CNTN5: variants seen among roughly 807,000 people sequenced by gnomAD.
The protein encoded by CNTN5 is contactin 5.
In CNTN5, 77 loss-of-function variants were observed where a neutral mutation model predicts 129.1. The ratio of observed to expected loss-of-function variants is 0.60; its 90% confidence interval spans 0.50 to 0.72. The LOEUF is 0.72. CNTN5 is among the 30% of genes least tolerant of loss of function. The probability of loss-of-function intolerance (pLI) is 0.00; values close to 1 mark genes in which losing one functional copy is unlikely to be tolerated. For missense variants in CNTN5, 1,478 were observed against 1,328.8 expected, an observed-to-expected ratio of 1.11 and a Z score of -1.75; for synonymous variants, 509 against 465.6, an observed-to-expected ratio of 1.09 and a Z score of -1.20.
intron 9 of CNTN5, among the ~76,000 whole-genome samples, chr11:100,035,433 G>A (rs1328635176): frequency 8.3e-4 from 121 of 146,428 alleles, no homozygotes; most frequent in Non-Finnish European, 1.4e-3. Flanking sequence ...ATAAACATAC[G>A]TGTGCATGTG....
chr11:99,430,552 A>G (rs887731989), intron 2 of CNTN5, among the ~76,000 whole-genome samples: 1 of 150,786 alleles, frequency 6.6e-6, no homozygotes, highest in African/African-American at 2.4e-5. Context: ...CTTTTAATTA[A>G]GCTGATTTTA....
At chr11:99,560,815 A>G (rs1948818940) in intron 3 of CNTN5, among the ~76,000 whole-genome samples, 1 of 152,138 alleles carries the variant, frequency 6.6e-6, no homozygotes, top group African/African-American at 2.4e-5. Context: ...CAGGTTTCTC[A>G]CTGTTGGTGT....
intron 3 of CNTN5, among the ~76,000 whole-genome samples, chr11:99,654,480 G>A (rs1254776437): frequency 6.6e-6 from 1 of 151,954 alleles, no homozygotes; most frequent in African/African-American, 2.4e-5. Flanking sequence ...TGTGGAACAG[G>A]GGGTAGTATG....
At chr11:99,076,046 C>G (rs919921945) in intron 1 of CNTN5, among the ~76,000 whole-genome samples, 2 of 152,040 alleles carry the variant, frequency 1.3e-5, no homozygotes, top group African/African-American at 2.4e-5. Context: ...AACTACTTTA[C>G]TTTTGGGCCA....
intron 2 of CNTN5, among the ~76,000 whole-genome samples, chr11:99,438,490 T>C (rs1044011309): frequency 1.3e-5 from 2 of 152,140 alleles, no homozygotes; most frequent in Non-Finnish European, 2.9e-5. Flanking sequence ...TCTTTCTGCC[T>C]TCTTTATTTT....
intron 2 of CNTN5, among the ~76,000 whole-genome samples, chr11:99,390,002 G>C (rs1055490442): frequency 1.3e-5 from 2 of 151,952 alleles, no homozygotes; most frequent in Non-Finnish European, 2.9e-5. Flanking sequence ...TCTAAAGCAT[G>C]CTTTAAATAT....
chr11:99,973,092 G>A (rs902664972), intron 8 of CNTN5, among the ~76,000 whole-genome samples: 2 of 151,860 alleles, frequency 1.3e-5, no homozygotes, highest in Non-Finnish European at 2.9e-5. Flanking sequence ...CGTGTTGGAG[G>A]GAATCTCACT....
At chr11:99,158,239 CT>C (rs1860430092) in intron 1 of CNTN5, among the ~76,000 whole-genome samples, 1 of 152,092 alleles carries the variant, frequency 6.6e-6, no homozygotes, top group African/African-American at 2.4e-5. Context: ...CCTGAACTTA[CT>C]GCTTTGTATT....
At chr11:99,667,288 C>A (rs999434094) in intron 3 of CNTN5, among the ~76,000 whole-genome samples, 2 of 113,610 alleles carry the variant, frequency 1.8e-5, no homozygotes, top group African/African-American at 2.9e-5. Context: ...TGTTTTCATT[C>A]TAAAGCAATT....
intron 1 of CNTN5, among the ~76,000 whole-genome samples, chr11:99,321,881 G>A (rs11219372): frequency 0.049 from 7,522 of 152,108 alleles, 597 homozygotes; most frequent in African/African-American, 0.17. Flanking sequence ...CTCTGCCAGC[G>A]TGGCCACATT....
chr11:100,153,876 A>G (rs1947145873), intron 13 of CNTN5, among the ~76,000 whole-genome samples: 1 of 151,644 alleles, frequency 6.6e-6, no homozygotes, highest in Non-Finnish European at 1.5e-5. Flanking sequence ...AGTGCATATA[A>G]GTTTCAAATC....
rs753944925 is a variant in CNTN5 at position 99,065,291 on chromosome 11, C to G, written c.-210+44021C>G. On this transcript the variant is annotated intron_variant, in intron 1 of 24. Transcript: ENST00000524871. ...TGTGCAAATCTGACCATATTAGGAGCATGCTGTTCTCTCCAGGGCTGTGCA... is the reference window on the plus strand; with the variant it reads ...TGTGCAAATCTGACCATATTAGGAGGATGCTGTTCTCTCCAGGGCTGTGCA... Among the ~76,000 whole-genome samples, 5 of 152,222 alleles carry G rather than the reference C, an allele frequency of 3.3e-5. No homozygotes were observed. The South Asian group carries it at 8.3e-4, about 25-fold the overall frequency.
chr11:99,030,192 G>T (rs1475801248), intron 1 of CNTN5, among the ~76,000 whole-genome samples: 1 of 150,984 alleles, frequency 6.6e-6, no homozygotes, highest in Non-Finnish European at 1.5e-5. Context: ...CTAACTCATA[G>T]TTTTTTTTTG....
intron 21 of CNTN5, among the ~76,000 whole-genome samples, chr11:100,311,669 G>T (rs1951477345): frequency 1.3e-5 from 2 of 151,974 alleles, no homozygotes; most frequent in Non-Finnish European, 2.9e-5. Flanking sequence ...GAAGCCAAGA[G>T]AAGAATTTCA....
At chr11:99,896,430 T>C (rs538262313) in intron 6 of CNTN5, among the ~76,000 whole-genome samples, 2 of 152,100 alleles carry the variant, frequency 1.3e-5, no homozygotes, top group Non-Finnish European at 2.9e-5. Context: ...ATGGGTCACT[T>C]TCATGTACCT....
intron 7 of CNTN5, among the ~76,000 whole-genome samples, chr11:99,948,344 C>A (rs1314948721): frequency 2.0e-5 from 3 of 152,256 alleles, no homozygotes; most frequent in Middle Eastern, 6.8e-3. Flanking sequence ...TAGGTCTCTA[C>A]CCAGCAGGCC....
intron 8 of CNTN5, among the ~76,000 whole-genome samples, chr11:99,971,523 C>G (rs1951253234): frequency 6.6e-6 from 1 of 151,488 alleles, no homozygotes; most frequent in African/African-American, 2.4e-5. Flanking sequence ...AGCCTGGTGA[C>G]AGAGTGACAC....
At chr11:100,121,249 T>C (rs948671829) in intron 13 of CNTN5, among the ~76,000 whole-genome samples, 1 of 152,084 alleles carries the variant, frequency 6.6e-6, no homozygotes. Flanking sequence ...GCGGAACTGA[T>C]GGACTTGAAG....
At chr11:99,075,867 G>A (rs1238019526) in intron 1 of CNTN5, among the ~76,000 whole-genome samples, 13 of 152,128 alleles carry the variant, frequency 8.5e-5, no homozygotes, top group East Asian at 1.9e-4. Context: ...TTCCAAAAAA[G>A]CAGTGAAAAA....
Sources: gnomAD v4.1 joint callset for allele counts (sites outside exome capture counted in the v4.1 genomes callset) on GRCh38, gnomAD v4.1.1 for gene constraint, MANE v1.5 for transcripts, NCBI Gene and HGNC (gene_info 2026-07-23, HGNC 2026-07-21) for gene names.